RGS5: variants seen among roughly 807,000 people sequenced by gnomAD.
The protein encoded by RGS5 is regulator of G-protein signalling 5.
RGS5 carries 20 observed loss-of-function variants against 18.9 expected under a neutral mutation model. The observed-to-expected ratio is 1.06, with a 90% CI of 0.74 to 1.54. RGS5 has a LOEUF of 1.54. Ranked by LOEUF, RGS5 falls within the 40% of genes most tolerant of loss-of-function variation. RGS5 has a pLI of 0.00. For missense variants in RGS5, 201 were observed against 211.8 expected, an observed-to-expected ratio of 0.95 and a Z score of 0.32; for synonymous variants, 57 against 76.2, an observed-to-expected ratio of 0.75 and a Z score of 1.31.
intron 1 of RGS5, among the ~76,000 whole-genome samples, chr1:163,189,591 C>A (rs1279187272): frequency 6.6e-6 from 1 of 152,122 alleles, no homozygotes; most frequent in Non-Finnish European, 1.5e-5. Context: ...GATTAAAGGA[C>A]CTTAACTAAG....
At chr1:163,187,550 G>A (rs943952568) in intron 1 of RGS5, among the ~76,000 whole-genome samples, 1 of 152,026 alleles carries the variant, frequency 6.6e-6, no homozygotes, top group Non-Finnish European at 1.5e-5. Context: ...CCCCTGACAG[G>A]TCCCGCCTCA....
intron 1 of RGS5, among the ~76,000 whole-genome samples, chr1:163,317,590 T>C (rs1029283570): frequency 2.0e-5 from 3 of 152,214 alleles, no homozygotes; most frequent in South Asian, 2.1e-4. Flanking sequence ...CGATTCATCA[T>C]CTAAATACTA....
At chr1:163,189,905 G>C (rs1386906243) in intron 1 of RGS5, among the ~76,000 whole-genome samples, 1 of 152,152 alleles carries the variant, frequency 6.6e-6, no homozygotes, top group East Asian at 1.9e-4. Context: ...ATGAAATTGA[G>C]AGAACAGAAA....
intron 2 of RGS5, among the ~76,000 whole-genome samples, chr1:163,163,050 G>A (rs894145323): frequency 2.1e-5 from 3 of 141,122 alleles, no homozygotes; most frequent in African/African-American, 7.8e-5. Context: ...GGGGGGGGGG[G>A]TGGTTAATTA....
intron 1 of RGS5, among the ~76,000 whole-genome samples, chr1:163,208,972 A>C (rs1052626739): frequency 5.3e-5 from 8 of 152,174 alleles, no homozygotes; most frequent in African/African-American, 1.9e-4. Flanking sequence ...ACACCCTGCT[A>C]ATAGAGAATC....
chr1:163,239,100 T>A, intron 2 of RGS5: 1 of 179,842 alleles, frequency 5.6e-6, no homozygotes, highest in South Asian at 1.5e-4. Context: ...TTCCTGTAAC[T>A]GTCATGGCAT....
At chr1:163,296,012 A>G (rs1649411742) in intron 2 of RGS5, among the ~76,000 whole-genome samples, 1 of 152,176 alleles carries the variant, frequency 6.6e-6, no homozygotes. Context: ...TCTGATGACA[A>G]GTTCTTAGGT....
intron 2 of RGS5, among the ~76,000 whole-genome samples, chr1:163,246,304 C>T (rs1017371445): frequency 3.3e-5 from 5 of 151,476 alleles, no homozygotes; most frequent in Admixed American, 1.3e-4. Context: ...GGCGTGGTGC[C>T]TCACGCCTGT....
chr1:163,210,841 C>G (rs1485319298), intron 1 of RGS5: 1 of 152,180 alleles, frequency 6.6e-6, no homozygotes, highest in Admixed American at 6.5e-5. Context: ...TCTCCCAAGG[C>G]AAACTGCATG....
intron 1 of RGS5, among the ~76,000 whole-genome samples, chr1:163,190,262 G>A (rs946182587): frequency 2.0e-5 from 3 of 152,238 alleles, no homozygotes; most frequent in East Asian, 1.9e-4. Context: ...GTGCCTCCCC[G>A]TGACAACTAT....
chr1:163,271,612 T>C (rs1469283238), intron 2 of RGS5, among the ~76,000 whole-genome samples: 1 of 152,174 alleles, frequency 6.6e-6, no homozygotes, highest in Non-Finnish European at 1.5e-5. Context: ...ATCAATGTTG[T>C]AGCATGTGTC....
chr1:163,302,178 A>G (rs1280488080), intron 2 of RGS5, among the ~76,000 whole-genome samples: 1 of 152,202 alleles, frequency 6.6e-6, no homozygotes, highest in East Asian at 1.9e-4. Flanking sequence ...TAAGTAAACA[A>G]TAACTCATGT....
chr1:163,202,901 A>C lies in RGS5; in HGVS notation c.-66T>G. ...CTTAACAGCAGAGCCAGTCTTTGAA[A>C]ACTTCAAAACTGTCTGGGATGCCTT... On this transcript the variant is annotated 5_prime_UTR_variant, in exon 1 of 5. Coordinates refer to ENST00000313961, the MANE Select transcript of RGS5 (RefSeq NM_003617.4). 6.8e-7 allele frequency: 1 copy of C among 1,479,026 alleles called. No homozygotes were observed. Among genetic ancestry groups the C allele is most frequent in the Non-Finnish European group, 9.4e-7 (1 of 1,060,712 alleles). 91.6% of individuals were successfully genotyped at this position (1,479,026 alleles called of 1,614,324 possible).
intron 2 of RGS5, among the ~76,000 whole-genome samples, chr1:163,253,908 T>C (rs1218522723): frequency 6.6e-6 from 1 of 151,954 alleles, no homozygotes; most frequent in Non-Finnish European, 1.5e-5. Flanking sequence ...GTGATTAGTT[T>C]TTTGTTCTTG....
rs771816023 is a variant in RGS5, at chr1:163,147,444, C to T, written c.444G>A (p.Leu148=). Residue 148 remains leucine (L), a synonymous_variant, in exon 5 of 5, where the codon CTG becomes CTA. Coordinates refer to ENST00000313961, the MANE Select transcript of RGS5 (RefSeq NM_003617.4). ...TTTTCTGGGCCATGTCAAAGCTGCT[C>T]AGGGAAGGTTCCACCAGGTTCTTCA... The part of the protein sequence containing the change: ...ITMKNLVEPS[L]SSFDMAQKRI... 6.2e-7 allele frequency: 1 copy of T among 1,612,650 alleles called. No homozygotes were observed. Among genetic ancestry groups the T allele is most frequent in the Admixed American group, 1.7e-5 (1 of 59,888 alleles).
intron 2 of RGS5, among the ~76,000 whole-genome samples, chr1:163,227,878 T>A (rs1187700313): frequency 6.6e-6 from 1 of 152,176 alleles, no homozygotes; most frequent in African/African-American, 2.4e-5. Flanking sequence ...AATAGGGCAG[T>A]CATTAAAACT....
rs1236334330 is a variant in RGS5, at chr1:163,290,268, G to A, written c.-281+15965C>T. 4.6e-5 allele frequency among the ~76,000 whole-genome samples: 7 copies of A among 151,992 alleles called. No homozygotes were observed. In the South Asian group the frequency reaches 6.2e-4, roughly 14 times the overall value. On this transcript the variant is annotated intron_variant, in intron 2 of 5. Coordinates refer to the RGS5 transcript ENST00000618415. Reference sequence around the variant, plus strand: ...AGAGAGAGCTTTTCTCTTTTCTTTCGCCTATTAAACCTCTGCTCTTAAAGT... The same window carrying A: ...AGAGAGAGCTTTTCTCTTTTCTTTCACCTATTAAACCTCTGCTCTTAAAGT...
At chr1:163,283,948 TA>T (rs766064436) in intron 2 of RGS5, among the ~76,000 whole-genome samples, 6 of 152,172 alleles carry the variant, frequency 3.9e-5, no homozygotes, top group Non-Finnish European at 8.8e-5. Context: ...TTTGAGACCC[TA>T]AACAGAAAAT....
chr1:163,174,902 T>C (rs761785822), intron 1 of RGS5, among the ~76,000 whole-genome samples: 26 of 152,080 alleles, frequency 1.7e-4, no homozygotes, highest in Non-Finnish European at 3.7e-4. Flanking sequence ...TAAGGCAAGA[T>C]TTTTACAACA....
Sources: gnomAD v4.1 joint callset for allele counts (sites outside exome capture counted in the v4.1 genomes callset) on GRCh38, gnomAD v4.1.1 for gene constraint, MANE v1.5 for transcripts, NCBI Gene and HGNC (gene_info 2026-07-23, HGNC 2026-07-21) for gene names.